The following SLC66A3 variants were observed in gnomAD, a reference collection of about 807,000 sequenced individuals.
SLC66A3 encodes the protein solute carrier family 66 member 3.
Under a neutral mutation model 25.5 loss-of-function variants are expected in SLC66A3, and 23 were observed. That is an observed-to-expected ratio of 0.90 (90% CI 0.65 to 1.28). The LOEUF is 1.28. Among genes scored for constraint, SLC66A3 ranks in the 50% most tolerant of loss-of-function variants. The pLI is 0.00. For missense variants in SLC66A3, 246 were observed against 262.1 expected (o/e 0.94, Z 0.42); for synonymous variants, 108 against 112.6 (o/e 0.96, Z 0.26).
At chr2:11,169,503 A>G (rs1662469206) in intron 4 of SLC66A3, among the ~76,000 whole-genome samples, 1 of 152,124 alleles carries the variant, frequency 6.6e-6, no homozygotes, top group Non-Finnish European at 1.5e-5. Context: ...ACCATCGATC[A>G]GGACTCCTTC....
intron 5 of SLC66A3, among the ~76,000 whole-genome samples, chr2:11,174,164 G>C (rs1399699072): frequency 1.3e-5 from 2 of 152,064 alleles, no homozygotes; most frequent in African/African-American, 4.8e-5. Flanking sequence ...CACCATGTTG[G>C]TCAGGCTGGT....
intron 1 of SLC66A3, among the ~76,000 whole-genome samples, chr2:11,158,999 GTTC>G (rs1662016111): frequency 2.0e-5 from 3 of 152,178 alleles, no homozygotes; most frequent in Non-Finnish European, 2.9e-5. Flanking sequence ...CATCTTGTAT[GTTC>G]TTGGTGTCTA....
At chr2:11,168,734 A>G (rs1662441970) in intron 4 of SLC66A3, among the ~76,000 whole-genome samples, 1 of 152,108 alleles carries the variant, frequency 6.6e-6, no homozygotes, top group East Asian at 1.9e-4. Flanking sequence ...GCCTGGGGCC[A>G]GCCATCCTCC....
chr2:11,176,525 C>CTTTTTT (rs775778444), intron 6 of SLC66A3, among the ~76,000 whole-genome samples: 1 of 87,302 alleles, frequency 1.1e-5, no homozygotes, highest in Non-Finnish European at 2.2e-5. Context: ...CTGGGAATAA[C>CTTTTTT]TTTTTTTTTT....
At chr2:11,165,570 G>C (rs577762604) in intron 4 of SLC66A3, among the ~76,000 whole-genome samples, 8 of 151,712 alleles carry the variant, frequency 5.3e-5, no homozygotes, top group African/African-American at 1.9e-4. Context: ...CATCCCAGAC[G>C]ATGGGCGGCC....
chr2:11,160,416 A>C (rs1662074770), intron 1 of SLC66A3, 50 bp from the exon 2 acceptor site: 4 of 1,556,722 alleles, frequency 2.6e-6, no homozygotes, highest in Non-Finnish European at 3.5e-6. Context: ...CCAGGCCCCG[A>C]CAGCTGCGTT....
chr2:11,162,066 T>C (rs1662147892), intron 3 of SLC66A3, among the ~76,000 whole-genome samples: 2 of 152,194 alleles, frequency 1.3e-5, no homozygotes, highest in Admixed American at 1.3e-4. Flanking sequence ...GCGTCCCCCA[T>C]CTGTGACATG....
intron 6 of SLC66A3, 36 bp from the exon 7 acceptor site, chr2:11,177,701 A>G: frequency 2.8e-6 from 4 of 1,406,696 alleles, no homozygotes; most frequent in Non-Finnish European, 4.0e-6. Flanking sequence ...CTGTATTGTA[A>G]AGACAGTTTT....
rs762489798 is a variant in SLC66A3, at chr2:11,171,919, A to C, written c.355-6A>C. On this transcript the variant is annotated splice_polypyrimidine_tract_variant and splice_region_variant and intron_variant, in intron 4 of 6. Coordinates refer to ENST00000295083, the MANE Select transcript of SLC66A3 (RefSeq NM_152391.5). ...CGTGACTTTCTCACATTTTATCTGC[A>C]AACAGAATCTATGTACTTTCATCAG... The C allele has an allele frequency of 2.0e-5, 33 of 1,613,534 alleles. No individual in the cohort carries two copies. The highest frequency in any genetic ancestry group is 2.0e-4 in the Admixed American group (12 of 59,938).
At chr2:11,157,522 G>A (rs952629691) in intron 1 of SLC66A3, among the ~76,000 whole-genome samples, 1 of 147,304 alleles carries the variant, frequency 6.8e-6, no homozygotes, top group East Asian at 2.1e-4. Flanking sequence ...GCCCACCTGG[G>A]GCTGGCCATG....
chr2:11,160,742 G>T, intron 3 of SLC66A3, 48 bp downstream of exon 3: 5 of 1,612,252 alleles, frequency 3.1e-6, no homozygotes, highest in Non-Finnish European at 4.2e-6. Context: ...GATGTTATTT[G>T]TGAATGGTAT....
At chr2:11,169,925 A>G (rs1572191174) in intron 4 of SLC66A3, among the ~76,000 whole-genome samples, 1 of 132,320 alleles carries the variant, frequency 7.6e-6, no homozygotes, top group Admixed American at 9.1e-5. Flanking sequence ...TGCAACCTCC[A>G]CCTCCTGGGT....
In SLC66A3 at chr2:11,175,140, T is replaced by C. The variant is rs562142881; in HGVS notation, c.517+131T>C. The C allele has an allele frequency of 1.4e-4, 90 of 650,330 alleles. 1 individual carries two copies. In the East Asian group the frequency reaches 2.2e-3, roughly 16 times the overall value. 40.3% of individuals were successfully genotyped at this position (650,330 alleles called of 1,614,324 possible). On this transcript the variant is annotated intron_variant, in intron 6 of 6. Transcript: ENST00000295083. ...TTATAGATTTAGAAGATGGCAACAATGTATTCCTAGTCTTATTGGTCACCA... is the reference window on the plus strand; with the variant it reads ...TTATAGATTTAGAAGATGGCAACAACGTATTCCTAGTCTTATTGGTCACCA...
chr2:11,172,126 G>A, intron 5 of SLC66A3, 81 bp downstream of exon 5: 3 of 1,401,018 alleles, frequency 2.1e-6, no homozygotes, highest in Non-Finnish European at 3.0e-6. Context: ...TGGTGTTGAA[G>A]TAACATGGTC....
chr2:11,176,458 C>T (rs1327283006), intron 6 of SLC66A3, among the ~76,000 whole-genome samples: 7 of 151,992 alleles, frequency 4.6e-5, no homozygotes, highest in African/African-American at 1.5e-4. Context: ...TCAGGTGATC[C>T]GCCCACCTCA....
At chr2:11,175,545 A>G (rs993388532) in intron 6 of SLC66A3, among the ~76,000 whole-genome samples, 5 of 152,222 alleles carry the variant, frequency 3.3e-5, no homozygotes, top group Non-Finnish European at 7.3e-5. Flanking sequence ...AGCGGGTTTC[A>G]GGAGAGGAAG....
chr2:11,176,696 T>C (rs1334890170), intron 6 of SLC66A3, among the ~76,000 whole-genome samples: 4 of 148,950 alleles, frequency 2.7e-5, no homozygotes, highest in South Asian at 4.3e-4. Context: ...GCCCGGCTAA[T>C]TTTTTGTATT....
At chr2:11,167,137 T>C (rs755072240) in intron 4 of SLC66A3, among the ~76,000 whole-genome samples, 4 of 152,090 alleles carry the variant, frequency 2.6e-5, no homozygotes, top group Non-Finnish European at 5.9e-5. Context: ...CTTCTAGCAG[T>C]GTTGAGATAC....
chr2:11,167,462 A>G (rs1313056496), intron 4 of SLC66A3, among the ~76,000 whole-genome samples: 1 of 152,240 alleles, frequency 6.6e-6, no homozygotes, highest in Non-Finnish European at 1.5e-5. Context: ...ACAAAACAAA[A>G]GAATCAAGTT....
Sources: gnomAD v4.1 joint callset for allele counts (sites outside exome capture counted in the v4.1 genomes callset) on GRCh38, gnomAD v4.1.1 for gene constraint, MANE v1.5 for transcripts, NCBI Gene and HGNC (gene_info 2026-07-23, HGNC 2026-07-21) for gene names.